TUBB6: variants seen among roughly 807,000 people sequenced by gnomAD.
TUBB6 encodes the protein tubulin beta 6 class V.
A neutral mutation model predicts 32.3 loss-of-function variants in TUBB6; 18 were observed. The observed-to-expected ratio is 0.56, with a 90% confidence interval of 0.39 to 0.83. TUBB6 has a LOEUF of 0.83. TUBB6 is among the 40% of genes least tolerant of loss of function. The pLI, the probability that TUBB6 is intolerant of heterozygous loss-of-function variation, is 0.00. For synonymous variants in TUBB6, 280 were observed against 265.8 expected, an observed-to-expected ratio of 1.05 and a Z score of -0.52; for missense variants, 480 against 632.0, an observed-to-expected ratio of 0.76 and a Z score of 2.58.
downstream of TUBB6, chr18:12,329,186 A>C (rs150224434): frequency 8.5e-6 from 6 of 703,034 alleles, no homozygotes; most frequent in South Asian, 8.9e-5. Flanking sequence ...AGGAATGAAG[A>C]GTGGGCGACA....
chr18:12,312,533 G>A (rs890649704), intron 3 of TUBB6, among the ~76,000 whole-genome samples: 1 of 152,176 alleles, frequency 6.6e-6, no homozygotes, highest in African/African-American at 2.4e-5. Flanking sequence ...TAAACACTTA[G>A]AATGTCTAGT....
chr18:12,309,957 T>G (rs1906269154), intron 2 of TUBB6, among the ~76,000 whole-genome samples: 1 of 135,834 alleles, frequency 7.4e-6, no homozygotes, highest in South Asian at 2.7e-4. Context: ...GCAGAGAATT[T>G]CATCCAAACC....
rs751755560 is a variant in TUBB6, at chr18:12,325,902, C to T, written c.1113C>T (p.Ser371=). 10 of 1,613,990 alleles carry T rather than the reference C, an allele frequency of 6.2e-6. No individual in the cohort carries two copies. The African/African-American group carries it at 1.1e-4, about 17-fold the overall frequency. ...TGGCCTCCACCTTCATCGGCAACAG[C>T]ACGGCCATCCAGGAGCTGTTCAAGC... ...LKMASTFIGN[S]TAIQELFKRI... The change falls in exon 4 of 4, where the codon AGC becomes AGT. Residue 371 remains serine, a synonymous_variant. Coordinates refer to ENST00000317702, the MANE Select transcript of TUBB6 (RefSeq NM_032525.3).
intron 3 of TUBB6, among the ~76,000 whole-genome samples, chr18:12,321,993 TCTG>T (rs1408128182): frequency 6.6e-6 from 1 of 152,172 alleles, no homozygotes; most frequent in Non-Finnish European, 1.5e-5. Flanking sequence ...CGTTTCCAAT[TCTG>T]CTTTCTTCAA....
downstream of TUBB6, chr18:12,329,119 T>C (rs1203319385): frequency 1.4e-6 from 1 of 702,954 alleles, no homozygotes; most frequent in Admixed American, 2.0e-5. Context: ...AAAATGTTCT[T>C]ATCAAGACTC....
chr18:12,310,490 CAA>C (rs11315396), intron 2 of TUBB6, among the ~76,000 whole-genome samples: 3,090 of 104,344 alleles, frequency 0.03, 85 homozygotes, highest in African/African-American at 0.094. Context: ...GACTCCATCG[CAA>C]AAAAAAAAAA....
intron 3 of TUBB6, among the ~76,000 whole-genome samples, chr18:12,319,583 G>C (rs11660222): frequency 1.3e-5 from 2 of 152,012 alleles, no homozygotes; most frequent in East Asian, 3.9e-4. Context: ...GACATCCTCC[G>C]TGACAGTCAC....
At chr18:12,321,338 C>T (rs1316723186) in intron 3 of TUBB6, among the ~76,000 whole-genome samples, 6 of 152,054 alleles carry the variant, frequency 3.9e-5, no homozygotes, top group African/African-American at 1.2e-4. Flanking sequence ...AATGCTTCAT[C>T]CCCCCCAAGA....
intron 3 of TUBB6, among the ~76,000 whole-genome samples, chr18:12,312,605 A>G (rs1255410500): frequency 2.4e-4 from 37 of 152,238 alleles, no homozygotes; most frequent in Admixed American, 2.4e-3. Context: ...GTTCAACATT[A>G]AGAAGTCTAC....
Position 12,309,040 on chromosome 18 carries a change from T to C in TUBB6, c.166+245T>C, listed in dbSNP as rs564223756. ...ACCCGTTAGCGTTGTGAAATCAACGTAGCGGTTCCTGCCCAGCCTTCTCTG... is the reference window on the plus strand; with the variant it reads ...ACCCGTTAGCGTTGTGAAATCAACGCAGCGGTTCCTGCCCAGCCTTCTCTG... On this transcript the variant is annotated intron_variant, in intron 2 of 3. Coordinates refer to ENST00000317702, the MANE Select transcript of TUBB6 (RefSeq NM_032525.3). 2.6e-5 allele frequency among the ~76,000 whole-genome samples: 4 copies of C among 152,276 alleles called. No homozygotes were observed. The South Asian group carries it at 8.3e-4, about 32-fold the overall frequency.
At position 12,325,876 on chromosome 18, in the gene TUBB6, A is replaced by T. The variant is rs1188911349; in HGVS notation, c.1087A>T (p.Met363Leu). ...CGACATCCCGCCCCGCGGCCTGAAG[A>T]TGGCCTCCACCTTCATCGGCAACAG... Reference protein sequence around the residue: ...VCDIPPRGLKMASTFIGNSTA... With the variant: ...VCDIPPRGLKLASTFIGNSTA... Residue 363 changes from methionine (M) to leucine (L), a missense_variant, in exon 4 of 4, where the codon ATG becomes TTG. Coordinates refer to ENST00000317702, the MANE Select transcript of TUBB6 (RefSeq NM_032525.3). 1.2e-5 allele frequency: 20 copies of T among 1,614,168 alleles called. No individual in the cohort carries two copies. Among genetic ancestry groups the T allele is most frequent in the Non-Finnish European group, 1.7e-5 (20 of 1,180,056 alleles).
chr18:12,325,757 T>C lies in TUBB6; in HGVS notation c.968T>C (p.Met323Thr). 6.2e-7 allele frequency: 1 copy of C among 1,614,178 alleles called. No homozygotes were observed. The highest frequency in any genetic ancestry group is 8.5e-7 in the Non-Finnish European group (1 of 1,180,030). Reference protein sequence around the residue: ...VATVFRGPMSMKEVDEQMLAI... With the variant: ...VATVFRGPMSTKEVDEQMLAI... ...ACCGTGTTCCGCGGGCCCATGTCCA[T>C]GAAGGAGGTGGACGAGCAGATGCTG... The change falls in exon 4 of 4, where the codon ATG becomes ACG. Residue 323 changes from methionine to threonine, a missense_variant. Met to Thr is a moderately conservative substitution (Grantham distance 81). Coordinates refer to ENST00000317702, the MANE Select transcript of TUBB6 (RefSeq NM_032525.3).
chr18:12,308,258 G>T lies in TUBB6; in HGVS notation c.-35G>T, dbSNP rs1412853032. ...CGGCCCGCAGTTGCCGCTGTCGTCC[G>T]CAGAGCCAGTTCCTAGCGCAGAGCC... is the stretch of plus-strand genomic sequence containing the variant. On this transcript the variant is annotated 5_prime_UTR_variant, in exon 1 of 4. Coordinates refer to ENST00000317702, the MANE Select transcript of TUBB6 (RefSeq NM_032525.3). 9 of 1,396,018 alleles carry T rather than the reference G, an allele frequency of 6.4e-6. No homozygotes were observed. Among genetic ancestry groups the T allele is most frequent in the Middle Eastern group, 2.7e-4 (1 of 3,690 alleles). The allele number at this position is 1,396,018 out of a possible 1,614,324, so 86.5% of individuals were successfully genotyped here.
chr18:12,328,792 A>G (rs1907416936), downstream of TUBB6, among the ~76,000 whole-genome samples: 1 of 152,214 alleles, frequency 6.6e-6, no homozygotes, highest in African/African-American at 2.4e-5. Context: ...TTTACAGGAC[A>G]CATAACTCTA....
chr18:12,308,227 C>A, upstream of TUBB6: 1 of 1,222,624 alleles, frequency 8.2e-7, no homozygotes, highest in Middle Eastern at 3.2e-4. Flanking sequence ...CCGGGACGCG[C>A]GCAGCCGGCC....
intron 3 of TUBB6, among the ~76,000 whole-genome samples, chr18:12,314,994 A>G (rs1011655609): frequency 1.3e-5 from 2 of 151,888 alleles, no homozygotes; most frequent in African/African-American, 4.8e-5. Context: ...TAATATAACC[A>G]CACTCTTAAA....
intron 2 of TUBB6, among the ~76,000 whole-genome samples, chr18:12,310,426 G>A (rs1198424635): frequency 6.7e-6 from 1 of 148,800 alleles, no homozygotes; most frequent in East Asian, 2.0e-4. Context: ...AGGAGGCGGA[G>A]CTTGCAGTGA....
intron 2 of TUBB6, among the ~76,000 whole-genome samples, chr18:12,310,306 G>A (rs1394566304): frequency 3.3e-5 from 5 of 151,754 alleles, no homozygotes; most frequent in South Asian, 2.1e-4. Context: ...TGGCTAACAC[G>A]GTGAAACCCC....
chr18:12,314,208 T>C (rs2144137785), intron 3 of TUBB6, among the ~76,000 whole-genome samples: 1 of 151,992 alleles, frequency 6.6e-6, no homozygotes, highest in South Asian at 2.1e-4. Context: ...TCTCTGGGGG[T>C]CTTCATTTTA....
Sources: allele counts gnomAD v4.1 joint callset (sites outside exome capture counted in the v4.1 genomes callset), GRCh38; gene constraint gnomAD v4.1.1; transcripts MANE v1.5; gene names NCBI Gene and HGNC (gene_info 2026-07-23, HGNC 2026-07-21).